TNPO3: variants seen among roughly 807,000 people sequenced by gnomAD.
The protein encoded by TNPO3 is transportin-3.
In TNPO3, 65 loss-of-function variants were observed where a neutral mutation model predicts 122.8. The ratio of observed to expected loss-of-function variants is 0.53; its 90% CI spans 0.43 to 0.65. TNPO3 has a LOEUF of 0.65. Ranked by LOEUF, TNPO3 falls within the 30% of genes least tolerant of loss-of-function variation. TNPO3 has a pLI of 0.00. For missense variants in TNPO3, 850 were observed against 1,136.7 expected (o/e 0.75, Z 3.63); for synonymous variants, 372 against 411.2 (o/e 0.90, Z 1.15).
In TNPO3 at chr7:129,001,081, C is replaced by T. The variant is rs144620878; in HGVS notation, c.850G>A (p.Val284Met). 15 of 1,614,098 alleles carry T rather than the reference C, an allele frequency of 9.3e-6. No homozygotes were observed. The highest frequency in any genetic ancestry group is 2.2e-5 in the East Asian group (1 of 44,886). Residue 284 changes from valine to methionine, a missense_variant, in exon 6 of 23, where the codon GTG becomes ATG. Coordinates refer to ENST00000265388, the MANE Select transcript of TNPO3 (RefSeq NM_012470.4). ...LTLETAYHMA[V>M]AREDLDKVLN... Reference sequence around the variant, plus strand: ...CACTTGTCTAAATCTTCACGTGCCACGGCCATATGATAGGCAGTCTCCAAT... The same window carrying T: ...CACTTGTCTAAATCTTCACGTGCCATGGCCATATGATAGGCAGTCTCCAAT...
intron 1 of TNPO3, among the ~76,000 whole-genome samples, chr7:129,045,511 G>A (rs1378833221): frequency 1.2e-4 from 17 of 144,836 alleles, no homozygotes; most frequent in Admixed American, 5.6e-4. Context: ...AAAAAAAAAC[G>A]TTAAAATGCT....
intron 21 of TNPO3, among the ~76,000 whole-genome samples, chr7:128,962,358 C>T (rs925221355): frequency 2.5e-5 from 3 of 120,334 alleles, no homozygotes; most frequent in Admixed American, 1.0e-4. Flanking sequence ...GGCGACAGAG[C>T]GAGACTCCGT....
At chr7:128,976,780 C>A (rs1297518648) in intron 16 of TNPO3, among the ~76,000 whole-genome samples, 3 of 152,210 alleles carry the variant, frequency 2.0e-5, no homozygotes, top group African/African-American at 7.2e-5. Flanking sequence ...ACTCTATGAA[C>A]TTGGGACTGA....
chr7:128,979,011 G>C lies in TNPO3; in HGVS notation c.2033C>G (p.Ala678Gly), dbSNP rs780803376. 1.2e-6 allele frequency: 2 copies of C among 1,614,190 alleles called. No homozygotes were observed. Among genetic ancestry groups the C allele is most frequent in the South Asian group, 2.2e-5 (2 of 91,086 alleles). ...FAVRCVGKGS[A>G]ALLQPLVTQM... Reference sequence around the variant, plus strand: ...TGTGACTAGTGGCTGCAGCAGTGCTGCAGATCCTTTGCCTACACAGCGAAC... The same window carrying C: ...TGTGACTAGTGGCTGCAGCAGTGCTCCAGATCCTTTGCCTACACAGCGAAC... Residue 678 changes from alanine to glycine, a missense_variant, in exon 16 of 23, where the codon GCA becomes GGA. Ala to Gly is a moderately conservative substitution (Grantham distance 60). Transcript: ENST00000265388.
At position 129,050,121 on chromosome 7, in the gene TNPO3, T is replaced by C. The variant is rs186449312; in HGVS notation, c.120+4530A>G. 2.3e-3 allele frequency among the ~76,000 whole-genome samples: 355 copies of C among 152,074 alleles called. 2 individuals carry two copies. The highest frequency in any genetic ancestry group is 3.6e-3 in the Non-Finnish European group (248 of 67,970). ...GGGGTGGGCTGGGCGCAGTCACTCA[T>C]GCCTGTAATCCCAGCACTTTGGGAG... On this transcript the variant is annotated intron_variant, in intron 1 of 22. Transcript: ENST00000265388.
At chr7:129,042,865 CAAAAAA>C (rs11286292) in intron 1 of TNPO3, among the ~76,000 whole-genome samples, 1 of 133,390 alleles carries the variant, frequency 7.5e-6, no homozygotes. Context: ...TCCCATCCTC[CAAAAAA>C]AAAAAAAAAA....
intron 4 of TNPO3, among the ~76,000 whole-genome samples, chr7:129,006,773 T>C (rs1802622331): frequency 6.6e-6 from 1 of 152,206 alleles, no homozygotes; most frequent in Non-Finnish European, 1.5e-5. Context: ...TGAAGATGAC[T>C]GTCTTTATTA....
At chr7:129,000,388 C>T (rs749741961) in intron 7 of TNPO3, 41 bp downstream of exon 7, 45 of 1,537,870 alleles carry the variant, frequency 2.9e-5, no homozygotes, top group Admixed American at 5.9e-5. Flanking sequence ...ATGCAGCACA[C>T]AACTTGGAGA....
At chr7:129,025,767 T>A (rs1805075990) in intron 1 of TNPO3, among the ~76,000 whole-genome samples, 1 of 152,048 alleles carries the variant, frequency 6.6e-6, no homozygotes, top group Non-Finnish European at 1.5e-5. Flanking sequence ...AGTAATTCAC[T>A]AAGCTACACA....
chr7:128,968,317 A>AT (rs1410297028), intron 20 of TNPO3, among the ~76,000 whole-genome samples: 2 of 152,080 alleles, frequency 1.3e-5, no homozygotes, highest in African/African-American at 4.8e-5. Context: ...TTACTTATAT[A>AT]TTTTTTATAT....
At chr7:129,017,145 C>T in intron 2 of TNPO3, 89 bp from the exon 3 acceptor site, 6 of 1,262,188 alleles carry the variant, frequency 4.8e-6, no homozygotes, top group Non-Finnish European at 6.8e-6. Flanking sequence ...AACATTTCTT[C>T]CAAACAATAT....
chr7:129,000,400 T>C (rs746711907), intron 7 of TNPO3, 29 bp downstream of exon 7: 10 of 1,564,034 alleles, frequency 6.4e-6, no homozygotes, highest in Non-Finnish European at 6.9e-6. Context: ...ACTTGGAGAA[T>C]AATGGCCTTT....
intron 1 of TNPO3, among the ~76,000 whole-genome samples, chr7:129,047,841 T>C (rs1053035049): frequency 6.6e-6 from 1 of 152,216 alleles, no homozygotes; most frequent in Non-Finnish European, 1.5e-5. Flanking sequence ...AAAACACGCT[T>C]TTGTTCCAGT....
At chr7:129,010,390 A>G (rs1185966207) in intron 4 of TNPO3, among the ~76,000 whole-genome samples, 2 of 152,080 alleles carry the variant, frequency 1.3e-5, no homozygotes, top group African/African-American at 4.8e-5. Context: ...CTGGTCTTGA[A>G]TGCCTGACAT....
intron 4 of TNPO3, among the ~76,000 whole-genome samples, chr7:129,005,968 G>C (rs373775246): frequency 2.0e-5 from 3 of 151,712 alleles, no homozygotes; most frequent in East Asian, 3.9e-4. Flanking sequence ...ATTTTTAGTA[G>C]ACACGGGTTT....
chr7:128,963,123 C>T (rs1428948862), intron 21 of TNPO3, among the ~76,000 whole-genome samples: 2 of 152,198 alleles, frequency 1.3e-5, no homozygotes, highest in Non-Finnish European at 2.9e-5. Context: ...TCACTGATCA[C>T]ATACTATGTG....
rs1804042743 is a variant in TNPO3 at position 129,018,035 on chromosome 7, GTC to G, written c.241_242del (p.Asp81LeufsTer55). The part of the protein sequence containing the change: ...IQTSFYELPT[D>X]SHASLRDSLL... The stretch of plus-strand genomic sequence containing the variant: ...ATGAGTCCCGTAAAGAGGCATGAGA[GTC>G]TGTGGGGAGCTCATAAAATGAGGTC... On this transcript the variant is annotated frameshift_variant, in exon 2 of 23. Coordinates refer to ENST00000265388, the MANE Select transcript of TNPO3 (RefSeq NM_012470.4). LOFTEE classifies it high-confidence loss of function. 1 of 1,614,044 alleles carries G rather than the reference GTC, an allele frequency of 6.2e-7. No homozygotes were observed. The highest frequency in any genetic ancestry group is 8.5e-7 in the Non-Finnish European group (1 of 1,180,032).
intron 1 of TNPO3, among the ~76,000 whole-genome samples, chr7:129,040,489 T>C (rs1031586326): frequency 6.6e-6 from 1 of 152,276 alleles, no homozygotes; most frequent in South Asian, 2.1e-4. Context: ...GCTAGAGTAA[T>C]AGAATGTACT....
intron 4 of TNPO3, among the ~76,000 whole-genome samples, chr7:129,007,689 T>C (rs1016545837): frequency 7.9e-5 from 12 of 152,254 alleles, no homozygotes; most frequent in African/African-American, 2.7e-4. Context: ...TATTGCATTA[T>C]ATATGCTTGT....
Sources: allele counts gnomAD v4.1 joint callset (sites outside exome capture counted in the v4.1 genomes callset), GRCh38; gene constraint gnomAD v4.1.1; transcripts MANE v1.5; gene names NCBI Gene and HGNC (gene_info 2026-07-23, HGNC 2026-07-21).